WDPCP: variants seen among roughly 807,000 people sequenced by gnomAD.
WDPCP encodes the protein WD repeat containing planar cell polarity effector, also known as WD repeat-containing and planar cell polarity effector protein fritz homolog.
A neutral mutation model predicts 93.1 loss-of-function variants in WDPCP; 71 were observed. The ratio of observed to expected loss-of-function variants is 0.76; its 90% CI spans 0.63 to 0.93. The LOEUF (loss-of-function observed/expected upper bound fraction) is 0.93, where lower values mean the gene tolerates loss of function less well. Among genes scored for constraint, WDPCP ranks in the 40% least tolerant of loss-of-function variants. The pLI is 0.00. For synonymous variants in WDPCP, 315 were observed against 315.0 expected (o/e 1.00, Z 0.00); for missense variants, 844 against 887.4 (o/e 0.95, Z 0.62).
chr2:63,505,276 A>G (rs1432407060), intron 1 of WDPCP, among the ~76,000 whole-genome samples: 1 of 152,040 alleles, frequency 6.6e-6, no homozygotes, highest in African/African-American at 2.4e-5. Context: ...TTTTGTTTCA[A>G]TGGTTGAATA....
intron 2 of WDPCP, among the ~76,000 whole-genome samples, chr2:63,736,752 A>G (rs1575761510): frequency 6.6e-6 from 1 of 152,002 alleles, no homozygotes; most frequent in African/African-American, 2.4e-5. Flanking sequence ...GTTTTGAAAG[A>G]GAAAAAAAAA....
intron 14 of WDPCP, among the ~76,000 whole-genome samples, chr2:63,242,318 A>T (rs943298294): frequency 1.3e-5 from 2 of 152,238 alleles, no homozygotes; most frequent in African/African-American, 4.8e-5. Context: ...GGATTTCATA[A>T]TATGCAAATT....
intron 3 of WDPCP, among the ~76,000 whole-genome samples, chr2:63,611,660 AC>A (rs1709616605): frequency 6.6e-6 from 1 of 152,240 alleles, no homozygotes; most frequent in South Asian, 2.1e-4. Context: ...AAACCTCAAA[AC>A]AAGAAACATA....
At chr2:63,262,955 T>A (rs546853189) in intron 13 of WDPCP, among the ~76,000 whole-genome samples, 2 of 152,306 alleles carry the variant, frequency 1.3e-5, no homozygotes, top group South Asian at 4.1e-4. Context: ...ATCTCTCCCA[T>A]GAAAGTCTTA....
intron 13 of WDPCP, among the ~76,000 whole-genome samples, chr2:63,287,404 C>T (rs1166113586): frequency 6.6e-6 from 1 of 151,910 alleles, no homozygotes; most frequent in East Asian, 1.9e-4. Context: ...GACTTTTCTC[C>T]ACTCACTCAC....
intron 13 of WDPCP, among the ~76,000 whole-genome samples, chr2:63,306,511 C>T (rs1685757274): frequency 6.6e-6 from 1 of 152,146 alleles, no homozygotes. Context: ...CGCAAACTGA[C>T]TCTGGCAGCA....
chr2:63,158,445 A>G (rs1294890513), intron 15 of WDPCP, among the ~76,000 whole-genome samples: 1 of 152,150 alleles, frequency 6.6e-6, no homozygotes, highest in African/African-American at 2.4e-5. Flanking sequence ...CTTTCTTGAT[A>G]AATTGGCTCT....
At chr2:63,789,162 ATG>A (rs1377903049) in intron 2 of WDPCP, among the ~76,000 whole-genome samples, 1 of 152,194 alleles carries the variant, frequency 6.6e-6, no homozygotes, top group African/African-American at 2.4e-5. Flanking sequence ...TATAACAGAG[ATG>A]TGCCAGATAA....
chr2:63,237,593 C>A (rs35801352), intron 14 of WDPCP, among the ~76,000 whole-genome samples: 17,720 of 152,048 alleles, frequency 0.12, 1,145 homozygotes, highest in Middle Eastern at 0.19. Flanking sequence ...TAATGGTGAA[C>A]TGGATAATGA....
chr2:63,406,821 A>G (rs938466481), intron 9 of WDPCP, among the ~76,000 whole-genome samples: 3 of 152,190 alleles, frequency 2.0e-5, no homozygotes, highest in African/African-American at 7.2e-5. Context: ...CACTTGTCAC[A>G]TGAGGGTCTT....
chr2:63,159,868 G>A (rs1672529849), intron 15 of WDPCP, among the ~76,000 whole-genome samples: 1 of 152,124 alleles, frequency 6.6e-6, no homozygotes, highest in Non-Finnish European at 1.5e-5. Flanking sequence ...GGTAAGCCCT[G>A]GAGTTTATAA....
intron 1 of WDPCP, among the ~76,000 whole-genome samples, chr2:63,549,167 T>C (rs955438256): frequency 1.3e-5 from 2 of 148,608 alleles, no homozygotes; most frequent in African/African-American, 5.0e-5. Flanking sequence ...GGAGAATCAC[T>C]TGAACCTGGG....
rs563655098 is a variant in WDPCP at position 63,414,470 on chromosome 2, T to TAC, written c.826-9814_826-9813insGT. ...ACTGTGATATATATATACACACACATATACACACACACACACACACACACA... is the reference window on the plus strand; with the variant it reads ...ACTGTGATATATATATACACACACATACATACACACACACACACACACACACA... On this transcript the variant is annotated intron_variant, in intron 9 of 17. Coordinates refer to ENST00000272321, the MANE Select transcript of WDPCP (RefSeq NM_015910.7). Among the ~76,000 whole-genome samples, 179 of 117,112 alleles carry TAC rather than the reference T, an allele frequency of 1.5e-3. 2 individuals carry two copies. Among genetic ancestry groups the TAC allele is most frequent in the Non-Finnish European group, 1.1e-3 (58 of 52,762 alleles). 76.8% of individuals were successfully genotyped at this position (117,112 alleles called of 152,430 possible).
intron 1 of WDPCP, among the ~76,000 whole-genome samples, chr2:63,534,873 G>A (rs1704156756): frequency 6.6e-6 from 1 of 152,092 alleles, no homozygotes; most frequent in Non-Finnish European, 1.5e-5. Context: ...CAATCAGGCA[G>A]GAGAAAGAAA....
intron 2 of WDPCP, among the ~76,000 whole-genome samples, chr2:63,731,267 CAAAAA>C (rs532671655): frequency 1.7e-5 from 1 of 59,848 alleles, no homozygotes; most frequent in Non-Finnish European, 3.4e-5. Flanking sequence ...GAATCCGTCT[CAAAAA>C]AAAAAAAAAA....
intron 3 of WDPCP, among the ~76,000 whole-genome samples, chr2:63,611,855 GC>G (rs1214346812): frequency 6.6e-6 from 1 of 152,146 alleles, no homozygotes; most frequent in African/African-American, 2.4e-5. Context: ...CTCTAACTCT[GC>G]TGGGAATAGA....
chr2:63,248,913 GTTTT>G (rs889187088), intron 14 of WDPCP, among the ~76,000 whole-genome samples: 1 of 143,890 alleles, frequency 6.9e-6, no homozygotes, highest in African/African-American at 2.5e-5. Flanking sequence ...GTTCTTATGT[GTTTT>G]TTTTTTAATA....
chr2:63,804,055 G>C (rs1323112377), intron 2 of WDPCP, among the ~76,000 whole-genome samples: 3 of 151,960 alleles, frequency 2.0e-5, no homozygotes, highest in Non-Finnish European at 2.9e-5. Flanking sequence ...TTTAAAACCA[G>C]GTTCATCCTA....
chr2:63,251,853 ATG>A (rs2104720542), intron 14 of WDPCP, among the ~76,000 whole-genome samples: 1 of 151,974 alleles, frequency 6.6e-6, no homozygotes, highest in African/African-American at 2.4e-5. Flanking sequence ...ATTATACTAG[ATG>A]TATAAAGAAG....
Sources: gnomAD v4.1 joint callset for allele counts (sites outside exome capture counted in the v4.1 genomes callset) on GRCh38, gnomAD v4.1.1 for gene constraint, MANE v1.5 for transcripts, NCBI Gene and HGNC (gene_info 2026-07-23, HGNC 2026-07-21) for gene names.